The following OR7E24 variants were observed in gnomAD, a reference collection of about 807,000 sequenced individuals.
OR7E24 encodes the protein olfactory receptor 7E24.
For missense variants in OR7E24, 385 were observed against 410.3 expected, an observed-to-expected ratio of 0.94 and a Z score of 0.53; for synonymous variants, 130 against 157.5, an observed-to-expected ratio of 0.83 and a Z score of 1.31.
the OR7E24 span, chr19:9,209,339 A>C: frequency 1.3e-5 from 2 of 152,304 alleles, no homozygotes. Flanking sequence ...AAGGCCATGC[A>C]ATGATTTTAT....
chr19:9,232,427 A>G, the OR7E24 span, among the ~76,000 whole-genome samples: 1 of 148,868 alleles, frequency 6.7e-6, no homozygotes, highest in Non-Finnish European at 1.5e-5. Context: ...AGTCCCAGCT[A>G]TTCAGGAGGC....
At chr19:9,213,994 T>C in the OR7E24 span, 1 of 1,613,906 alleles carries the variant, frequency 6.2e-7, no homozygotes, top group Non-Finnish European at 8.5e-7. Flanking sequence ...AGCATGGGGG[T>C]GACCATGGCG....
chr19:9,248,273 G>C (rs988903094), upstream of OR7E24, among the ~76,000 whole-genome samples: 3 of 152,118 alleles, frequency 2.0e-5, no homozygotes, highest in African/African-American at 7.2e-5. Flanking sequence ...TCTCAGCTCT[G>C]TGTTTTGTAT....
the OR7E24 span, among the ~76,000 whole-genome samples, chr19:9,230,046 A>ATTT: frequency 1.4e-4 from 20 of 143,070 alleles, no homozygotes; most frequent in South Asian, 1.3e-3. Flanking sequence ...AAGTTCCTGT[A>ATTT]TTTTTTTTTT....
the OR7E24 span, among the ~76,000 whole-genome samples, chr19:9,226,718 C>T: frequency 3.9e-5 from 6 of 152,042 alleles, no homozygotes; most frequent in Non-Finnish European, 7.3e-5. Flanking sequence ...CTATTTATTC[C>T]CAATTAGACA....
chr19:9,235,426 A>G, the OR7E24 span: 35 of 1,604,784 alleles, frequency 2.2e-5, no homozygotes, highest in East Asian at 4.9e-4. Flanking sequence ...CATCTCCTAC[A>G]TGGGGTGCCT....
the OR7E24 span, chr19:9,214,668 G>C: frequency 2.0e-4 from 319 of 1,614,172 alleles, no homozygotes; most frequent in African/African-American, 1.0e-3. Context: ...GTACATGGGG[G>C]TGTGGAGGTG....
At chr19:9,232,234 T>C in the OR7E24 span, among the ~76,000 whole-genome samples, 4 of 151,978 alleles carry the variant, frequency 2.6e-5, no homozygotes, top group East Asian at 7.8e-4. Flanking sequence ...GTCAACCTTG[T>C]GTGCATTAAA....
chr19:9,230,467 G>A, the OR7E24 span, among the ~76,000 whole-genome samples: 1 of 152,120 alleles, frequency 6.6e-6, no homozygotes, highest in Admixed American at 6.6e-5. Context: ...AGTTAGGAAT[G>A]TCCATACTTG....
At chr19:9,242,511 A>G (rs905647925), upstream of OR7E24, among the ~76,000 whole-genome samples, 2 of 152,130 alleles carry the variant, frequency 1.3e-5, no homozygotes, top group Non-Finnish European at 2.9e-5. Context: ...CGGCCTCCCA[A>G]AGTGCTGGGA....
chr19:9,230,796 T>G, the OR7E24 span, among the ~76,000 whole-genome samples: 1 of 152,216 alleles, frequency 6.6e-6, no homozygotes, highest in Non-Finnish European at 1.5e-5. Flanking sequence ...TCGGGCCAAT[T>G]TCCTTTATTT....
upstream of OR7E24, among the ~76,000 whole-genome samples, chr19:9,245,119 T>C (rs984669228): frequency 2.0e-5 from 3 of 151,814 alleles, no homozygotes; most frequent in Non-Finnish European, 4.4e-5. Context: ...GGAGGCTGAG[T>C]CACGAGAATC....
At chr19:9,240,227 A>G in the OR7E24 span, among the ~76,000 whole-genome samples, 3 of 152,140 alleles carry the variant, frequency 2.0e-5, no homozygotes, top group African/African-American at 7.2e-5. Context: ...TCTTCACTCT[A>G]TAGATTGTTT....
chr19:9,226,772 C>A, the OR7E24 span, among the ~76,000 whole-genome samples: 90 of 152,316 alleles, frequency 5.9e-4, no homozygotes, highest in African/African-American at 2.1e-3. Flanking sequence ...ACTTTTACAG[C>A]CTTTAGAAGC....
chr19:9,225,881 C>T, the OR7E24 span, among the ~76,000 whole-genome samples: 39 of 152,172 alleles, frequency 2.6e-4, no homozygotes, highest in African/African-American at 7.0e-4. Context: ...AAGGAGGCTG[C>T]TTTATTCATG....
At chr19:9,236,335 C>A in the OR7E24 span, among the ~76,000 whole-genome samples, 4 of 152,006 alleles carry the variant, frequency 2.6e-5, no homozygotes, top group South Asian at 4.2e-4. Context: ...ACAGGTGAAA[C>A]CCTGTCTCTA....
the OR7E24 span, among the ~76,000 whole-genome samples, chr19:9,215,308 A>C: frequency 2.2e-5 from 3 of 134,946 alleles, no homozygotes; most frequent in African/African-American, 8.0e-5. Context: ...ATGGCACTGC[A>C]CTCCAGCCTG....
chr19:9,250,309 G>T (rs1033134873), upstream of OR7E24, among the ~76,000 whole-genome samples: 2 of 151,986 alleles, frequency 1.3e-5, no homozygotes, highest in Admixed American at 1.3e-4. Flanking sequence ...TTTCCAGGCC[G>T]GTCTTAAACT....
rs754018143 is a variant in OR7E24, at chr19:9,251,596, A to C, written c.553A>C (p.Thr185Pro). ...GCACAATTTGATTATGTTACAGCTC[A>C]CCTGCTTCAAGGATGTGGACATTTC... ...QLHNLIMLQL[T>P]CFKDVDISNF... The change falls in exon 1 of 1, where the codon ACC (threonine) becomes CCC (proline). Residue 185 changes from threonine to proline, a missense_variant. Transcript: ENST00000456448. 4.5e-5 allele frequency: 73 copies of C among 1,613,244 alleles called. No individual in the cohort carries two copies. Among genetic ancestry groups the C allele is most frequent in the Middle Eastern group, 3.3e-4 (2 of 6,082 alleles).
Sources: allele counts gnomAD v4.1 joint callset (sites outside exome capture counted in the v4.1 genomes callset), GRCh38; gene constraint gnomAD v4.1.1; transcripts MANE v1.5; gene names NCBI Gene and HGNC (gene_info 2026-07-23, HGNC 2026-07-21).